Variants in MME observed in about 807,000 individuals in gnomAD.
MME encodes the protein neprilysin.
A neutral mutation model predicts 113.2 loss-of-function variants in MME; 98 were observed. That is an observed-to-expected ratio of 0.87 (90% confidence interval 0.74 to 1.02). MME has a LOEUF of 1.02. Ranked by LOEUF, MME falls within the 50% of genes least tolerant of loss-of-function variation. The pLI is 0.00. For synonymous variants in MME, 292 were observed against 300.6 expected (o/e 0.97, Z 0.30); for missense variants, 836 against 896.0 (o/e 0.93, Z 0.86).
chr3:155,171,763 G>T (rs1270021074), intron 20 of MME, among the ~76,000 whole-genome samples: 1 of 152,052 alleles, frequency 6.6e-6, no homozygotes, highest in East Asian at 1.9e-4. Context: ...GACTTCCTTG[G>T]CAATTCATTT....
chr3:155,100,003 T>C (rs906057655), intron 3 of MME, among the ~76,000 whole-genome samples: 2 of 152,166 alleles, frequency 1.3e-5, no homozygotes, highest in Admixed American at 1.3e-4. Flanking sequence ...AAGGACTTCA[T>C]GTCTAAAACA....
rs200278913 is a variant in MME at position 155,140,289 on chromosome 3, G to A, written c.954G>A (p.Gly318=). The change falls in exon 10 of 23, where the codon GGG becomes GGA. Residue 318 remains glycine, a synonymous_variant. Transcript: ENST00000360490. Reference sequence around the variant, plus strand: ...ATAACTTTTCACTAGAGATCAATGGGAAGGTAAGTGGTAAGTTTTTTGTGC... The same window carrying A: ...ATAACTTTTCACTAGAGATCAATGGAAAGGTAAGTGGTAAGTTTTTTGTGC... The part of the protein sequence containing the change: ...IQNNFSLEIN[G]KPFSWLNFTN... The A allele has an allele frequency of 1.1e-4, 183 of 1,599,194 alleles. No individual in the cohort carries two copies. Among genetic ancestry groups the A allele is most frequent in the Non-Finnish European group, 2.1e-5 (24 of 1,167,180 alleles).
chr3:155,045,750 T>G (rs1427273234), intron 1 of MME, among the ~76,000 whole-genome samples: 2 of 145,184 alleles, frequency 1.4e-5, no homozygotes, highest in Non-Finnish European at 2.9e-5. Context: ...ATTTCTGTTC[T>G]TATCTTTAAT....
intron 16 of MME, among the ~76,000 whole-genome samples, chr3:155,156,534 G>A (rs534893382): frequency 3.3e-5 from 5 of 152,232 alleles, no homozygotes; most frequent in African/African-American, 9.6e-5. Context: ...GTTATATAAC[G>A]TAGTTTGTAG....
chr3:155,029,120 AT>A, intron 1 of MME, among the ~76,000 whole-genome samples: 1 of 152,254 alleles, frequency 6.6e-6, no homozygotes, highest in African/African-American at 2.4e-5. Flanking sequence ...CTTTGTCCAA[AT>A]TTTTGCAGTT....
intron 13 of MME, 89 bp downstream of exon 13, chr3:155,143,660 GGC>G: frequency 6.7e-7 from 1 of 1,496,534 alleles, no homozygotes; most frequent in Non-Finnish European, 9.2e-7. Context: ...TCCATCATTT[GGC>G]TAAAATTTTA....
At chr3:155,047,915 A>T (rs1182814198) in intron 1 of MME, among the ~76,000 whole-genome samples, 2 of 152,112 alleles carry the variant, frequency 1.3e-5, no homozygotes, top group Non-Finnish European at 2.9e-5. Flanking sequence ...AATCTGTTGT[A>T]GGTGTTGCTC....
intron 13 of MME, among the ~76,000 whole-genome samples, chr3:155,144,157 A>C (rs911812766): frequency 6.6e-6 from 1 of 152,218 alleles, no homozygotes; most frequent in Non-Finnish European, 1.5e-5. Context: ...AGACCTATTT[A>C]ATCAAGAGTG....
At chr3:155,099,381 G>A (rs562517047) in intron 3 of MME, among the ~76,000 whole-genome samples, 34 of 151,882 alleles carry the variant, frequency 2.2e-4, no homozygotes, top group South Asian at 1.0e-3. Context: ...ATTTCTCAGC[G>A]GTATAATCTT....
chr3:155,098,417 G>A (rs1208794918), intron 3 of MME, among the ~76,000 whole-genome samples: 7 of 151,946 alleles, frequency 4.6e-5, no homozygotes, highest in Admixed American at 2.0e-4. Context: ...TTAGCTGGGC[G>A]TGGTGGTGCC....
chr3:155,116,451 A>T, intron 4 of MME, 28 bp from the exon 5 acceptor site: 1 of 1,463,386 alleles, frequency 6.8e-7, no homozygotes. Context: ...AATTATGTTG[A>T]TGCATTTTAT....
At chr3:155,065,877 G>A (rs928474040) in intron 1 of MME, among the ~76,000 whole-genome samples, 1 of 152,174 alleles carries the variant, frequency 6.6e-6, no homozygotes, top group African/African-American at 2.4e-5. Context: ...TCAAGTTGTA[G>A]ATATATACAC....
At position 155,147,172 on chromosome 3, in the gene MME, A is replaced by C. The variant is rs201936237; in HGVS notation, c.1445A>C (p.Tyr482Ser). 6.2e-6 allele frequency: 10 copies of C among 1,608,254 alleles called. No homozygotes were observed. Among genetic ancestry groups the C allele is most frequent in the Non-Finnish European group, 7.7e-6 (9 of 1,174,842 alleles). ...TTAGCAATTAAAGAAAGGATCGGCTATCCTGATGACATTGTTTCAAATGAT... is the reference window on the plus strand; with the variant it reads ...TTAGCAATTAAAGAAAGGATCGGCTCTCCTGATGACATTGTTTCAAATGAT... The part of the protein sequence containing the change: ...KALAIKERIG[Y>S]PDDIVSNDNK... The change falls in exon 15 of 23, where the codon TAT (tyrosine) becomes TCT (serine). Residue 482 changes from tyrosine to serine, a missense_variant. Coordinates refer to ENST00000360490, the MANE Select transcript of MME (RefSeq NM_007289.4).
chr3:155,076,246 C>A (rs1490804083), upstream of MME, among the ~76,000 whole-genome samples: 1 of 152,154 alleles, frequency 6.6e-6, no homozygotes, highest in East Asian at 1.9e-4. Flanking sequence ...CAGCCTGAGT[C>A]AGGACTGAAA....
Position 155,117,004 on chromosome 3 carries a change from ATAAC to A in MME, c.654+22_654+25del, listed in dbSNP as rs757786946. On this transcript the variant is annotated intron_variant, in intron 7 of 22. Transcript: ENST00000360490. ...TAATTCATGTAAGTTTGTGTGTCAA[ATAAC>A]TAAAGTTACCTTTAAATTGTAATAA... is the stretch of plus-strand genomic sequence containing the variant. 7.6e-7 allele frequency: 1 copy of A among 1,312,074 alleles called. No homozygotes were observed. Among genetic ancestry groups the A allele is most frequent in the Non-Finnish European group, 1.1e-6 (1 of 906,084 alleles). The allele number at this position is 1,312,074 out of a possible 1,614,324, so 81.3% of individuals were successfully genotyped here. A position where few individuals can be genotyped will look rare whatever the true frequency, so the allele number is the denominator to read the frequency against.
intron 1 of MME, among the ~76,000 whole-genome samples, chr3:155,052,851 GCAAATTTTC>G (rs769058588): frequency 1.5e-4 from 23 of 152,276 alleles, no homozygotes; most frequent in Non-Finnish European, 2.6e-4. Context: ...TCATCAGGCT[GCAAATTTTC>G]CAAACTTTTA....
chr3:155,062,931 A>G (rs1404165247), intron 1 of MME, among the ~76,000 whole-genome samples: 8 of 149,804 alleles, frequency 5.3e-5, no homozygotes, highest in African/African-American at 2.0e-4. Context: ...AGCTACTCGG[A>G]AGGCTGAGGC....
chr3:155,092,178 C>G (rs61763212), intron 3 of MME, among the ~76,000 whole-genome samples: 58 of 151,958 alleles, frequency 3.8e-4, no homozygotes, highest in Non-Finnish European at 7.7e-4. Context: ...TCCACTGATT[C>G]AAATGCCACT....
chr3:155,121,313 T>G (rs1406879784), intron 8 of MME, among the ~76,000 whole-genome samples: 3 of 148,308 alleles, frequency 2.0e-5, no homozygotes, highest in Admixed American at 6.7e-5. Context: ...AAGGAGATTT[T>G]GGGCTGAGAC....
Sources: allele counts gnomAD v4.1 joint callset (sites outside exome capture counted in the v4.1 genomes callset), GRCh38; gene constraint gnomAD v4.1.1; transcripts MANE v1.5; gene names NCBI Gene and HGNC (gene_info 2026-07-23, HGNC 2026-07-21).